Variants in CAST observed in about 807,000 individuals in gnomAD.
CAST encodes MIR583 host.
In CAST, 76 loss-of-function variants were observed where a neutral mutation model predicts 119.6. The ratio of observed to expected loss-of-function variants is 0.64; its 90% CI spans 0.53 to 0.77. The LOEUF is 0.77. Ranked by LOEUF, CAST falls within the 30% of genes least tolerant of loss-of-function variation. The probability of loss-of-function intolerance (pLI) is 0.00; values close to 1 mark genes in which losing one functional copy is unlikely to be tolerated. For missense variants in CAST, 953 were observed against 946.5 expected (o/e 1.01, Z -0.09); for synonymous variants, 319 against 331.6 (o/e 0.96, Z 0.41).
chr5:96,765,350 AAAAT>A, intron 26 of CAST, 25 bp downstream of exon 26: 3 of 861,762 alleles, frequency 3.5e-6, no homozygotes, highest in South Asian at 1.6e-5. Context: ...AAAAAAAAAA[AAAAT>A]TCACTAATAG....
At chr5:96,702,328 A>G (rs1221106159) in intron 3 of CAST, among the ~76,000 whole-genome samples, 2 of 152,168 alleles carry the variant, frequency 1.3e-5, no homozygotes, top group African/African-American at 2.4e-5. Flanking sequence ...ATTGTATTCA[A>G]TAGCTTCAAA....
chr5:96,230,145 C>T, the CAST span, among the ~76,000 whole-genome samples: 1 of 152,126 alleles, frequency 6.6e-6, no homozygotes, highest in Non-Finnish European at 1.5e-5. Flanking sequence ...TGGGTTCTAG[C>T]TGATGTCCTG....
chr5:96,459,990 T>C, the CAST span, among the ~76,000 whole-genome samples: 24 of 152,266 alleles, frequency 1.6e-4, no homozygotes, highest in South Asian at 4.3e-3. Context: ...AGCTTTGGTC[T>C]TTCCAGGCTT....
the CAST span, among the ~76,000 whole-genome samples, chr5:96,302,631 A>T: frequency 6.6e-6 from 1 of 152,192 alleles, no homozygotes; most frequent in South Asian, 2.1e-4. Context: ...CTTTTGCCAG[A>T]TACCCTAAAT....
At chr5:96,680,316 C>G (rs1196975585) in intron 2 of CAST, among the ~76,000 whole-genome samples, 2 of 134,446 alleles carry the variant, frequency 1.5e-5, no homozygotes, top group African/African-American at 5.7e-5. Context: ...GATCACACCA[C>G]TGCACTCCAG....
the CAST span, among the ~76,000 whole-genome samples, chr5:96,020,405 G>C: frequency 6.6e-6 from 1 of 151,472 alleles, no homozygotes; most frequent in Non-Finnish European, 1.5e-5. Flanking sequence ...CACAACCCCC[G>C]GGCCACAGAC....
At chr5:96,754,039 T>C in intron 20 of CAST, 21 bp from the exon 21 acceptor site, 1 of 1,427,524 alleles carries the variant, frequency 7.0e-7, no homozygotes, top group Non-Finnish European at 9.9e-7. Context: ...CTACTTAATA[T>C]ATCCACTAAT....
the CAST span, among the ~76,000 whole-genome samples, chr5:95,993,414 G>A: frequency 6.6e-6 from 1 of 152,186 alleles, no homozygotes; most frequent in East Asian, 1.9e-4. Context: ...TACTGCAAGG[G>A]ACATTTGGCA....
the CAST span, chr5:96,397,563 A>G: frequency 4.2e-6 from 5 of 1,181,710 alleles, no homozygotes; most frequent in Non-Finnish European, 6.3e-6. Context: ...GCTGAAAAAG[A>G]TGAGTTCTCC....
chr5:96,417,446 G>A, the CAST span, among the ~76,000 whole-genome samples: 1 of 151,898 alleles, frequency 6.6e-6, no homozygotes, highest in African/African-American at 2.4e-5. Context: ...CAATCATGGG[G>A]CCCCTCCTCT....
chr5:96,108,228 A>C, the CAST span, among the ~76,000 whole-genome samples: 1 of 152,336 alleles, frequency 6.6e-6, no homozygotes, highest in African/African-American at 2.4e-5. Flanking sequence ...TCAGCTCGTC[A>C]AAGTCATTCT....
chr5:96,184,248 C>T, the CAST span, among the ~76,000 whole-genome samples: 8 of 152,162 alleles, frequency 5.3e-5, no homozygotes, highest in Non-Finnish European at 1.0e-4. Flanking sequence ...TTTAGTCTTT[C>T]CTGATATCTT....
the CAST span, chr5:96,079,155 A>C: frequency 2.1e-6 from 1 of 475,530 alleles, no homozygotes; most frequent in Admixed American, 2.3e-5. Flanking sequence ...ACATTAACCA[A>C]AGAGGAAGGT....
At chr5:96,577,762 T>A (rs757232790) in intron 1 of CAST, among the ~76,000 whole-genome samples, 1 of 152,196 alleles carries the variant, frequency 6.6e-6, no homozygotes, top group Non-Finnish European at 1.5e-5. Flanking sequence ...TTCTTTCAAA[T>A]TTGTTGGTGT....
intron 1 of CAST, among the ~76,000 whole-genome samples, chr5:96,554,828 A>T (rs1166614936): frequency 6.6e-6 from 1 of 152,244 alleles, no homozygotes; most frequent in African/African-American, 2.4e-5. Context: ...GTCATTAGAA[A>T]AATGCAAATC....
intron 1 of CAST, among the ~76,000 whole-genome samples, chr5:96,632,671 C>CGAAA (rs58809645): frequency 3.0e-4 from 45 of 151,910 alleles, no homozygotes; most frequent in African/African-American, 9.9e-4. Flanking sequence ...GGTCTCAGCG[C>CGAAA]TATTTGTCGA....
At chr5:96,115,005 G>A in the CAST span, among the ~76,000 whole-genome samples, 1 of 152,196 alleles carries the variant, frequency 6.6e-6, no homozygotes, top group Non-Finnish European at 1.5e-5. Flanking sequence ...GTCTCATGGG[G>A]TTATCGCAAC....
the CAST span, among the ~76,000 whole-genome samples, chr5:96,352,580 G>T: frequency 6.6e-6 from 1 of 152,104 alleles, no homozygotes; most frequent in South Asian, 2.1e-4. Flanking sequence ...ACCAACAGGG[G>T]TAACACCATT....
chr5:96,486,660 C>T, the CAST span, among the ~76,000 whole-genome samples: 1 of 152,020 alleles, frequency 6.6e-6, no homozygotes. Context: ...GCACTTCACT[C>T]TTGTCTGAAG....
Sources: gnomAD v4.1 joint callset for allele counts (sites outside exome capture counted in the v4.1 genomes callset) on GRCh38, gnomAD v4.1.1 for gene constraint, MANE v1.5 for transcripts, NCBI Gene and HGNC (gene_info 2026-07-23, HGNC 2026-07-21) for gene names.